The following NKAIN3 variants were observed in gnomAD, a reference collection of about 807,000 sequenced individuals.
The protein encoded by NKAIN3 is sodium/potassium transporting ATPase interacting 3.
In NKAIN3, 25 loss-of-function variants were observed where a neutral mutation model predicts 30.2. The observed-to-expected ratio is 0.83, with a 90% CI of 0.60 to 1.16. The LOEUF (loss-of-function observed/expected upper bound fraction) is 1.16. NKAIN3 is among the 50% of genes most tolerant of loss of function. The pLI is 0.00. For missense variants in NKAIN3, 225 were observed against 254.1 expected (o/e 0.89, Z 0.78); for synonymous variants, 91 against 89.6 (o/e 1.02, Z -0.09).
intron 1 of NKAIN3, among the ~76,000 whole-genome samples, chr8:62,290,980 C>A (rs879238196): frequency 6.6e-6 from 1 of 151,850 alleles, no homozygotes; most frequent in African/African-American, 2.4e-5. Context: ...GGTGTATGTG[C>A]CCAGGAATTT....
At chr8:62,823,241 C>T (rs755693080) in intron 4 of NKAIN3, among the ~76,000 whole-genome samples, 17 of 152,184 alleles carry the variant, frequency 1.1e-4, no homozygotes, top group African/African-American at 3.4e-4. Flanking sequence ...TGTCACTAGG[C>T]GACAGGATTT....
intron 4 of NKAIN3, among the ~76,000 whole-genome samples, chr8:62,824,043 G>C (rs1275446656): frequency 6.6e-6 from 1 of 152,148 alleles, no homozygotes; most frequent in African/African-American, 2.4e-5. Flanking sequence ...AAGACATCAG[G>C]CAATTCCATG....
chr8:62,832,856 A>G (rs1163841836), intron 4 of NKAIN3, among the ~76,000 whole-genome samples: 4 of 152,076 alleles, frequency 2.6e-5, no homozygotes, highest in African/African-American at 9.7e-5. Flanking sequence ...AGAGAGATCT[A>G]CAGAATATTT....
intron 4 of NKAIN3, among the ~76,000 whole-genome samples, chr8:62,769,595 A>G (rs1439962927): frequency 6.6e-6 from 1 of 152,198 alleles, no homozygotes; most frequent in Non-Finnish European, 1.5e-5. Flanking sequence ...TTTGGCTAAG[A>G]CAGTCTGAAA....
chr8:62,275,390 A>G (rs1246078559), intron 1 of NKAIN3, among the ~76,000 whole-genome samples: 1 of 152,160 alleles, frequency 6.6e-6, no homozygotes, highest in Non-Finnish European at 1.5e-5. Flanking sequence ...TTTCCTTTTA[A>G]GGTATTTGTT....
intron 5 of NKAIN3, among the ~76,000 whole-genome samples, chr8:62,918,997 A>T (rs997327460): frequency 6.6e-6 from 1 of 151,736 alleles, no homozygotes; most frequent in Non-Finnish European, 1.5e-5. Flanking sequence ...TGCAAAAAAA[A>T]AAAAATTTAC....
rs544860027 is a variant in NKAIN3, at chr8:62,899,609, G to T, written c.472-18844G>T. 3.3e-5 allele frequency among the ~76,000 whole-genome samples: 5 copies of T among 152,230 alleles called. No individual in the cohort carries two copies. The South Asian group carries it at 6.2e-4, about 19-fold the overall frequency. On this transcript the variant is annotated intron_variant, in intron 4 of 6. Transcript: ENST00000623646. ...GGAAGGGTAGCGGGAGGGGTTAGAG[G>T]AGCTGGGGATGGTTAATAGGTATAA...
At chr8:62,773,748 C>A (rs757947103) in intron 4 of NKAIN3, among the ~76,000 whole-genome samples, 2 of 152,138 alleles carry the variant, frequency 1.3e-5, no homozygotes, top group African/African-American at 2.4e-5. Flanking sequence ...TCCTCACTCA[C>A]CTTCCACCAT....
At chr8:62,274,526 A>G (rs1373848219) in intron 1 of NKAIN3, among the ~76,000 whole-genome samples, 1 of 152,092 alleles carries the variant, frequency 6.6e-6, no homozygotes, top group Non-Finnish European at 1.5e-5. Flanking sequence ...TTTCTATTTA[A>G]ACAAAGCAGT....
chr8:62,266,493 C>G (rs1199850093), intron 1 of NKAIN3, among the ~76,000 whole-genome samples: 1 of 152,124 alleles, frequency 6.6e-6, no homozygotes, highest in Non-Finnish European at 1.5e-5. Flanking sequence ...ATCAAAATTT[C>G]AGACATATTC....
chr8:62,807,482 A>T (rs957084923), intron 4 of NKAIN3, among the ~76,000 whole-genome samples: 2 of 149,500 alleles, frequency 1.3e-5, no homozygotes, highest in Admixed American at 1.3e-4. Flanking sequence ...TTTCTTCTCT[A>T]CTGTCTTCAT....
chr8:62,901,258 T>C (rs1033221736), intron 4 of NKAIN3, among the ~76,000 whole-genome samples: 1 of 152,114 alleles, frequency 6.6e-6, no homozygotes, highest in Non-Finnish European at 1.5e-5. Flanking sequence ...GATGAGCAGA[T>C]CCTTGGTTAC....
At chr8:62,777,675 T>C (rs1817231204) in intron 4 of NKAIN3, among the ~76,000 whole-genome samples, 1 of 152,204 alleles carries the variant, frequency 6.6e-6, no homozygotes, top group Non-Finnish European at 1.5e-5. Flanking sequence ...CATACGTCTG[T>C]CTCTCCATGA....
intron 4 of NKAIN3, among the ~76,000 whole-genome samples, chr8:62,857,652 G>C (rs955580680): frequency 3.3e-5 from 5 of 152,072 alleles, no homozygotes; most frequent in Admixed American, 2.0e-4. Context: ...ATTAATACTT[G>C]TGATTGCATT....
At chr8:62,406,628 A>G (rs1443891164) in intron 1 of NKAIN3, among the ~76,000 whole-genome samples, 6 of 152,174 alleles carry the variant, frequency 3.9e-5, no homozygotes, top group African/African-American at 1.4e-4. Context: ...TCAAAGCATC[A>G]TATTTATATA....
At chr8:62,783,133 A>G (rs1373449889) in intron 4 of NKAIN3, among the ~76,000 whole-genome samples, 6 of 152,134 alleles carry the variant, frequency 3.9e-5, no homozygotes, top group Admixed American at 3.9e-4. Context: ...AAAATAATTG[A>G]TAACAGAGTG....
chr8:62,596,513 C>T (rs1810840916), intron 3 of NKAIN3, among the ~76,000 whole-genome samples: 1 of 152,078 alleles, frequency 6.6e-6, no homozygotes, highest in South Asian at 2.1e-4. Context: ...AATTCCCTTT[C>T]TCTCCATATT....
intron 1 of NKAIN3, among the ~76,000 whole-genome samples, chr8:62,572,487 T>G (rs1809975063): frequency 6.6e-6 from 1 of 152,198 alleles, no homozygotes; most frequent in Non-Finnish European, 1.5e-5. Context: ...CTTCCACATG[T>G]TCGGGTATAT....
rs1410566575 is a variant in NKAIN3, at chr8:62,306,900, TGTCC to T, written c.54+57774_54+57777del. Among the ~76,000 whole-genome samples, 6 of 150,276 alleles carry T rather than the reference TGTCC, an allele frequency of 4.0e-5. No homozygotes were observed. The East Asian group carries it at 1.2e-3, about 29-fold the overall frequency. Reference sequence around the variant, plus strand: ...TAATATTTGACACCCACTGCAGATGTGTCCATAGGGGAAAGCATACTGGTCATGA... The same window carrying T: ...TAATATTTGACACCCACTGCAGATGTATAGGGGAAAGCATACTGGTCATGA... On this transcript the variant is annotated intron_variant, in intron 1 of 6. Coordinates refer to ENST00000623646, the MANE Select transcript of NKAIN3 (RefSeq NM_001304533.3).
Sources: gnomAD v4.1 joint callset for allele counts (sites outside exome capture counted in the v4.1 genomes callset) on GRCh38, gnomAD v4.1.1 for gene constraint, MANE v1.5 for transcripts, NCBI Gene and HGNC (gene_info 2026-07-23, HGNC 2026-07-21) for gene names.